UBR1: variants seen among roughly 807,000 people sequenced by gnomAD.
UBR1 encodes the protein E3 ubiquitin-protein ligase UBR1.
Under a neutral mutation model 242.1 loss-of-function variants are expected in UBR1, and 102 were observed. The observed-to-expected ratio is 0.42, with a 90% CI of 0.36 to 0.50. UBR1 has a LOEUF of 0.50. UBR1 is among the 20% of genes least tolerant of loss of function. The pLI, the probability that UBR1 is intolerant of heterozygous loss-of-function variation, is 0.01. For synonymous variants in UBR1, 675 were observed against 684.8 expected (o/e 0.99, Z 0.22); for missense variants, 1,772 against 2,101.8 (o/e 0.84, Z 3.07).
In UBR1 at chr15:43,015,769, T is replaced by A. The variant is rs1478286465; in HGVS notation, c.3128A>T (p.Asn1043Ile). 1.2e-6 allele frequency: 2 copies of A among 1,614,072 alleles called. No individual in the cohort carries two copies. Among genetic ancestry groups the A allele is most frequent in the Non-Finnish European group, 1.7e-6 (2 of 1,180,042 alleles). The change falls in exon 29 of 47, where the codon AAC becomes ATC. Residue 1043 changes from asparagine to isoleucine, a missense_variant. Physicochemically the swap from Asn to Ile is moderately radical, Grantham distance 149 (BLOSUM62 -3). Transcript: ENST00000290650. The part of the protein sequence containing the change: ...IMAQMSALQK[N>I]FIETHKLMYD... Reference sequence around the variant, plus strand: ...CATGAGTTTATGAGTTTCAATGAAGTTTTTCTGTAAGGCAGACATCTGAGC... The same window carrying A: ...CATGAGTTTATGAGTTTCAATGAAGATTTTCTGTAAGGCAGACATCTGAGC...
Position 42,943,820 on chromosome 15 carries a change from T to A in UBR1, c.*1509A>T, listed in dbSNP as rs1026467421. On this transcript the variant is annotated 3_prime_UTR_variant, in exon 47 of 47. Coordinates refer to ENST00000290650, the MANE Select transcript of UBR1 (RefSeq NM_174916.3). ...ATTGTTACAAATTGTTCACTAGACA[T>A]GTATCTATTTATCCAGATACCTTCT... The A allele has an allele frequency of 6.6e-6, 1 of 152,360 alleles. No individual in the cohort carries two copies. Among genetic ancestry groups the A allele is most frequent in the Non-Finnish European group, 1.5e-5 (1 of 68,046 alleles). The allele number at this position is 152,360 out of a possible 1,614,324, so 9.4% of individuals were successfully genotyped here. A position where few individuals can be genotyped will look rare whatever the true frequency, so the allele number is the denominator to read the frequency against.
rs568352957 is a variant in UBR1 at position 42,996,735 on chromosome 15, G to A, written c.3757+1433C>T. On this transcript the variant is annotated intron_variant, in intron 33 of 46. Transcript: ENST00000290650. ...TCATTTTCCTTAAAAGTACGTAACTGAAAGGACATAATTAAATCACAACAG... is the reference window on the plus strand; with the variant it reads ...TCATTTTCCTTAAAAGTACGTAACTAAAAGGACATAATTAAATCACAACAG... Among the ~76,000 whole-genome samples the A allele has an allele frequency of 2.0e-5, 3 of 152,264 alleles. No individual in the cohort carries two copies. In the East Asian group the frequency reaches 5.8e-4, roughly 29 times the overall value.
At chr15:43,031,680 AG>A (rs1420076481) in intron 20 of UBR1, among the ~76,000 whole-genome samples, 1 of 152,218 alleles carries the variant, frequency 6.6e-6, no homozygotes, top group Non-Finnish European at 1.5e-5. Flanking sequence ...CAAACCAAAC[AG>A]CGTTTGGTGC....
At chr15:42,945,549 A>G (rs2031718881) in intron 46 of UBR1, 79 bp from the exon 47 acceptor site, 31 of 1,556,962 alleles carry the variant, frequency 2.0e-5, no homozygotes, top group Non-Finnish European at 2.7e-5. Context: ...ATTAGTATGC[A>G]CTCTTGAGAT....
intron 44 of UBR1, among the ~76,000 whole-genome samples, chr15:42,954,534 T>G (rs2031886570): frequency 6.6e-6 from 1 of 152,134 alleles, no homozygotes; most frequent in African/African-American, 2.4e-5. Flanking sequence ...GCAGTGATTC[T>G]CAGAGCGAGT....
chr15:43,021,174 T>C (rs2141302189), intron 27 of UBR1, 101 bp downstream of exon 27: 1 of 850,340 alleles, frequency 1.2e-6, no homozygotes, highest in Non-Finnish European at 2.0e-6. Flanking sequence ...TGAAAACCAG[T>C]AGTAAATGTC....
At chr15:42,951,235 T>C (rs1164240700) in intron 45 of UBR1, among the ~76,000 whole-genome samples, 1 of 152,228 alleles carries the variant, frequency 6.6e-6, no homozygotes, top group Non-Finnish European at 1.5e-5. Flanking sequence ...TTTTTCTTTT[T>C]TTTCCCAGAT....
chr15:42,971,941 C>T (rs957545675), intron 39 of UBR1, among the ~76,000 whole-genome samples: 2 of 152,150 alleles, frequency 1.3e-5, no homozygotes, highest in African/African-American at 4.8e-5. Flanking sequence ...TCTCTATGCA[C>T]ACACAACATC....
intron 27 of UBR1, 26 bp from the exon 28 acceptor site, chr15:43,017,207 A>T: frequency 1.3e-6 from 2 of 1,560,312 alleles, no homozygotes; most frequent in Non-Finnish European, 1.8e-6. Context: ...GAAACGTTAA[A>T]AGAGTTAGTT....
At chr15:43,047,061 A>G (rs1304662009) in intron 14 of UBR1, 100 bp downstream of exon 14, 1 of 1,392,972 alleles carries the variant, frequency 7.2e-7, no homozygotes, top group Non-Finnish European at 1.0e-6. Context: ...ACTATAAATA[A>G]TAAAAACTTT....
intron 9 of UBR1, 55 bp from the exon 10 acceptor site, chr15:43,058,484 C>T: frequency 7.9e-7 from 1 of 1,265,444 alleles, no homozygotes; most frequent in Middle Eastern, 1.9e-4. Flanking sequence ...AAGGCAAAAA[C>T]CAAAAACATT....
At chr15:42,970,476 A>G in intron 40 of UBR1, 44 bp downstream of exon 40, 1 of 1,572,292 alleles carries the variant, frequency 6.4e-7, no homozygotes, top group Non-Finnish European at 8.7e-7. Flanking sequence ...CTGAACAAGA[A>G]ATGGAATTAT....
intron 45 of UBR1, chr15:42,950,655 C>A (rs1478054166): frequency 2.6e-6 from 1 of 390,770 alleles, no homozygotes; most frequent in Admixed American, 4.1e-5. Context: ...GCCACAGACA[C>A]CTTGGAAAAT....
intron 4 of UBR1, among the ~76,000 whole-genome samples, chr15:43,074,212 T>C (rs1371630854): frequency 6.6e-6 from 1 of 152,222 alleles, no homozygotes; most frequent in African/African-American, 2.4e-5. Flanking sequence ...TTTGTGATTC[T>C]ATGGTTATTT....
intron 6 of UBR1, among the ~76,000 whole-genome samples, chr15:43,063,045 T>A (rs2033707656): frequency 6.6e-6 from 1 of 152,094 alleles, no homozygotes; most frequent in African/African-American, 2.4e-5. Flanking sequence ...AGCCAAGGAG[T>A]ACATTTTTTA....
At position 43,050,193 on chromosome 15, in the gene UBR1, C is replaced by T. The variant is rs556609620; in HGVS notation, c.1440-1702G>A. Among the ~76,000 whole-genome samples the T allele has an allele frequency of 6.1e-4, 93 of 152,288 alleles. No individual in the cohort carries two copies. The South Asian group carries it at 0.019, about 31-fold the overall frequency. On this transcript the variant is annotated intron_variant, in intron 12 of 46. Transcript: ENST00000290650. ...CAACCTCCTGGCCTCAAGCAATCCT[C>T]CTGCCTCAGCCTTCCAAAGCACATG...
intron 37 of UBR1, among the ~76,000 whole-genome samples, chr15:42,982,318 T>C (rs2032390369): frequency 6.6e-6 from 1 of 152,058 alleles, no homozygotes; most frequent in Non-Finnish European, 1.5e-5. Flanking sequence ...AATAGTGATA[T>C]GCAAATAGGA....
At position 42,970,446 on chromosome 15, in the gene UBR1, A is replaced by T. The variant is rs181642211; in HGVS notation, c.4457+74T>A. 9.7e-5 allele frequency: 141 copies of T among 1,449,098 alleles called. No individual in the cohort carries two copies. The African/African-American group carries it at 1.8e-3, about 19-fold the overall frequency. The allele number at this position is 1,449,098 out of a possible 1,614,324, so 89.8% of individuals were successfully genotyped here. ...TTTTAACTGGAATTTAAATGATTCAAATGTTACGTTGCCAAACAACTGAAC... is the reference window on the plus strand; with the variant it reads ...TTTTAACTGGAATTTAAATGATTCATATGTTACGTTGCCAAACAACTGAAC... On this transcript the variant is annotated intron_variant, in intron 40 of 46. Transcript: ENST00000290650.
intron 1 of UBR1, among the ~76,000 whole-genome samples, chr15:43,099,107 C>T (rs1365964545): frequency 1.3e-5 from 2 of 152,072 alleles, no homozygotes; most frequent in African/African-American, 2.4e-5. Flanking sequence ...GAGGCTGAGG[C>T]GGGTGGATCA....
Sources: gnomAD v4.1 joint callset for allele counts (sites outside exome capture counted in the v4.1 genomes callset) on GRCh38, gnomAD v4.1.1 for gene constraint, MANE v1.5 for transcripts, NCBI Gene and HGNC (gene_info 2026-07-23, HGNC 2026-07-21) for gene names.